Variants in MID2 observed in about 807,000 individuals in gnomAD.
MID2 encodes the protein midline 2.
MID2 carries 13 observed loss-of-function variants against 46.1 expected under a neutral mutation model. The observed-to-expected ratio is 0.28, with a 90% CI of 0.18 to 0.45. The LOEUF (loss-of-function observed/expected upper bound fraction) is 0.45. MID2 is among the 20% of genes least tolerant of loss of function. The pLI is 1.00. For synonymous variants in MID2, 199 were observed against 212.3 expected, an observed-to-expected ratio of 0.94 and a Z score of 0.55; for missense variants, 431 against 575.4, an observed-to-expected ratio of 0.75 and a Z score of 2.57.
chrX:107,920,535 C>G (rs1933052123), intron 7 of MID2, among the ~76,000 whole-genome samples: 1 of 112,084 alleles, frequency 8.9e-6, no homozygotes, highest in Non-Finnish European at 1.9e-5. Context: ...GACATAACTT[C>G]TATTTCCCTT....
intron 3 of MID2, among the ~76,000 whole-genome samples, chrX:107,872,550 C>T (rs749772118): frequency 9.1e-6 from 1 of 109,637 alleles, no homozygotes; most frequent in African/African-American, 3.4e-5. Flanking sequence ...TGGGTTGATG[C>T]AGGTAACTCT....
At chrX:107,865,823 G>A (rs939639494) in intron 3 of MID2, among the ~76,000 whole-genome samples, 1 of 112,776 alleles carries the variant, frequency 8.9e-6, no homozygotes, top group African/African-American at 3.2e-5. Flanking sequence ...TAGCACCAGT[G>A]CTAGTCGCAT....
intron 5 of MID2, among the ~76,000 whole-genome samples, chrX:107,910,425 A>G (rs1172845181): frequency 8.9e-6 from 1 of 111,815 alleles, no homozygotes; most frequent in Non-Finnish European, 1.9e-5. Flanking sequence ...GGTAGATACC[A>G]TATCTTGGCT....
rs1300808001 is a variant in MID2, at chrX:107,828,314, T to C, written c.4+1884T>C. 2.7e-4 allele frequency among the ~76,000 whole-genome samples: 26 copies of C among 95,685 alleles called. No homozygotes were observed. In the South Asian group the frequency reaches 3.0e-3, roughly 11 times the overall value. 83.1% of individuals were successfully genotyped at this position (95,685 alleles called of 115,157 possible). A position where few individuals can be genotyped will look rare whatever the true frequency, so the allele number is the denominator to read the frequency against. On this transcript the variant is annotated intron_variant, in intron 1 of 9. Transcript: ENST00000262843. Reference sequence around the variant, plus strand: ...TTTCTTTTCTTTCTTTCTTTTCTTTTTTTTTTTTTTTTTTTGAGACAGGGT... The same window carrying C: ...TTTCTTTTCTTTCTTTCTTTTCTTTCTTTTTTTTTTTTTTTGAGACAGGGT...
intron 1 of MID2, among the ~76,000 whole-genome samples, chrX:107,829,652 G>A (rs1375394364): frequency 8.9e-6 from 1 of 111,961 alleles, no homozygotes; most frequent in African/African-American, 3.2e-5. Flanking sequence ...ATTTAGCCCA[G>A]TATTTTGGCC....
At chrX:107,907,521 G>A (rs1244032184) in intron 5 of MID2, among the ~76,000 whole-genome samples, 5 of 111,138 alleles carry the variant, frequency 4.5e-5, no homozygotes, top group Middle Eastern at 4.6e-3. Flanking sequence ...TTTGTGCTTT[G>A]GCCAAATACA....
chrX:107,920,740 A>G, intron 7 of MID2, among the ~76,000 whole-genome samples: 1 of 112,195 alleles, frequency 8.9e-6, no homozygotes, highest in Non-Finnish European at 1.9e-5. Flanking sequence ...AAATGATTTC[A>G]AAATCACAGA....
Position 107,931,321 on chromosome X carries a change from G to T in MID2, c.*4248G>T, listed in dbSNP as rs971465311. Among the ~76,000 whole-genome samples, 18 of 112,361 alleles carry T rather than the reference G, an allele frequency of 1.6e-4. No homozygotes were observed. The highest frequency in any genetic ancestry group is 3.7e-4 in the South Asian group (1 of 2,714). On this transcript the variant is annotated 3_prime_UTR_variant, in exon 10 of 10. Coordinates refer to ENST00000262843, the MANE Select transcript of MID2 (RefSeq NM_012216.4). ...GCCTTGGAGCCAATGGCTGTATTTG[G>T]CTGTGTGTTACAGGTTGGCCAAACT...
At chrX:107,859,307 C>G (rs1931807914) in intron 3 of MID2, among the ~76,000 whole-genome samples, 1 of 111,716 alleles carries the variant, frequency 9.0e-6, no homozygotes, top group African/African-American at 3.3e-5. Flanking sequence ...GAATTTAAAC[C>G]ATTAGAGCAC....
chrX:107,897,142 A>C (rs1025450219), intron 3 of MID2, among the ~76,000 whole-genome samples: 15 of 111,734 alleles, frequency 1.3e-4, no homozygotes, highest in Middle Eastern at 4.2e-3. Flanking sequence ...GTCATTGTCT[A>C]TCTGAAGGCC....
intron 5 of MID2, among the ~76,000 whole-genome samples, chrX:107,913,572 ATTTG>A (rs1390334351): frequency 1.8e-5 from 2 of 112,274 alleles, no homozygotes; most frequent in East Asian, 5.5e-4. Flanking sequence ...CTATGCTGTC[ATTTG>A]TTTGTAATTT....
Position 107,840,978 on chromosome X carries a change from C to T in MID2, c.313C>T (p.Arg105Cys), listed in dbSNP as rs1569462125. 1.7e-6 allele frequency: 2 copies of T among 1,211,563 alleles called. No homozygotes were observed. The highest frequency in any genetic ancestry group is 1.1e-6 in the Non-Finnish European group (1 of 895,475). ...RNVTLQNIID[R>C]FQKASVSGPN... ...TGTGACTCTGCAGAACATTATTGATCGCTTCCAGAAGGCTTCAGTCAGTGG... is the reference window on the plus strand; with the variant it reads ...TGTGACTCTGCAGAACATTATTGATTGCTTCCAGAAGGCTTCAGTCAGTGG... The change falls in exon 2 of 10, where the codon CGC becomes TGC. Residue 105 changes from arginine to cysteine, a missense_variant. Physicochemically the swap from Arg to Cys is radical, Grantham distance 180. Transcript: ENST00000262843.
At chrX:107,924,270 G>A in intron 7 of MID2, 73 bp from the exon 8 acceptor site, 2 of 1,044,966 alleles carry the variant, frequency 1.9e-6, no homozygotes, top group East Asian at 3.1e-5. Context: ...GGCTTATGAT[G>A]AATTTTCAGT....
intron 1 of MID2, among the ~76,000 whole-genome samples, chrX:107,838,387 A>T (rs1931255175): frequency 8.9e-6 from 1 of 112,189 alleles, no homozygotes; most frequent in South Asian, 3.7e-4. Context: ...TTACTTTTTC[A>T]TCTGTATGGG....
In MID2 at chrX:107,859,324, A is replaced by G. The variant is rs1602469511; in HGVS notation, c.816+4620A>G. Among the ~76,000 whole-genome samples the G allele has an allele frequency of 2.7e-5, 3 of 112,319 alleles. 1 individual carries two copies. In the Admixed American group the frequency reaches 2.8e-4, roughly 11 times the overall value. On this transcript the variant is annotated intron_variant, in intron 3 of 9. Transcript: ENST00000262843. Reference sequence around the variant, plus strand: ...ATTTAAACCATTAGAGCACAAATACATTTGTTGGTGGAGCCCTCTTTAAGG... The same window carrying G: ...ATTTAAACCATTAGAGCACAAATACGTTTGTTGGTGGAGCCCTCTTTAAGG...
At chrX:107,898,301 C>T (rs1246458144) in intron 3 of MID2, among the ~76,000 whole-genome samples, 1 of 112,115 alleles carries the variant, frequency 8.9e-6, no homozygotes, top group Non-Finnish European at 1.9e-5. Flanking sequence ...TTACATCTGT[C>T]AGGCTGATCT....
In MID2 at chrX:107,833,437, T is replaced by TTTA. The variant is rs1301663728; in HGVS notation, c.4+7007_4+7008insTTA. The stretch of plus-strand genomic sequence containing the variant: ...TATATATATATATATATATTTTTTT[T>TTTA]AAAAACCTACAGCTCAGCTCATTTC... On this transcript the variant is annotated intron_variant, in intron 1 of 9. Transcript: ENST00000262843. 4.3e-3 allele frequency among the ~76,000 whole-genome samples: 464 copies of TTTA among 107,687 alleles called. 3 individuals are homozygous for TTTA. Among genetic ancestry groups the TTTA allele is most frequent in the African/African-American group, 0.014 (429 of 29,653 alleles). The allele number at this position is 107,687 out of a possible 115,157, so 93.5% of individuals were successfully genotyped here. A position where few individuals can be genotyped will look rare whatever the true frequency, so the allele number is the denominator to read the frequency against.
intron 4 of MID2, among the ~76,000 whole-genome samples, chrX:107,905,091 TAAAC>T (rs894845200): frequency 1.4e-4 from 16 of 112,302 alleles, no homozygotes; most frequent in Admixed American, 2.8e-4. Context: ...CAACAAAATG[TAAAC>T]AAACAAAAAT....
chrX:107,841,407 C>G lies in MID2; in HGVS notation c.720+22C>G, dbSNP rs1183141706. 5 of 1,084,221 alleles carry G rather than the reference C, an allele frequency of 4.6e-6. No homozygotes were observed. In the South Asian group the frequency reaches 1.1e-4, roughly 23 times the overall value. 89.4% of individuals were successfully genotyped at this position (1,084,221 alleles called of 1,213,427 possible). On this transcript the variant is annotated intron_variant, in intron 2 of 9. Coordinates refer to ENST00000262843, the MANE Select transcript of MID2 (RefSeq NM_012216.4). ...CAAGGTAAGGGATCTGGGGAGCATC[C>G]CCTATACAACTTTGTCGCATAAATG...
Sources: gnomAD v4.1 joint callset for allele counts (sites outside exome capture counted in the v4.1 genomes callset) on GRCh38, gnomAD v4.1.1 for gene constraint, MANE v1.5 for transcripts, NCBI Gene and HGNC (gene_info 2026-07-23, HGNC 2026-07-21) for gene names.